The following ALLC variants were observed in gnomAD, a reference collection of about 807,000 sequenced individuals.
ALLC encodes the protein probable inactive allantoicase.
In ALLC, 40 loss-of-function variants were observed where a neutral mutation model predicts 45.0. The observed-to-expected ratio is 0.89, with a 90% CI of 0.69 to 1.16. The LOEUF is 1.16. ALLC is among the 50% of genes most tolerant of loss of function. ALLC has a pLI of 0.00. For missense variants in ALLC, 488 were observed against 493.1 expected, an observed-to-expected ratio of 0.99 and a Z score of 0.10; for synonymous variants, 176 against 178.1, an observed-to-expected ratio of 0.99 and a Z score of 0.09.
intron 1 of ALLC, among the ~76,000 whole-genome samples, chr2:3,663,526 G>A (rs1448932484): frequency 2.7e-5 from 4 of 150,940 alleles, no homozygotes; most frequent in South Asian, 4.3e-4. Context: ...CATGGCACAC[G>A]TTTACCTACG....
chr2:3,681,071 T>C (rs966399964), intron 5 of ALLC, among the ~76,000 whole-genome samples: 1 of 152,214 alleles, frequency 6.6e-6, no homozygotes, highest in African/African-American at 2.4e-5. Flanking sequence ...ACACTGAACA[T>C]GCTATGTGCA....
rs13421466 is a variant in ALLC at position 3,693,507 on chromosome 2, G to T, written c.512-2210G>T. ...TGTGGAATAACTACTTTGAGCTACA[G>T]ACTGAGCATTGGCCATAAAATCATT... is the stretch of plus-strand genomic sequence containing the variant. On this transcript the variant is annotated intron_variant, in intron 7 of 11. Transcript: ENST00000252505. Among the ~76,000 whole-genome samples, 1,334 of 152,358 alleles carry T rather than the reference G, an allele frequency of 8.8e-3. 20 individuals are homozygous for T. Among genetic ancestry groups the T allele is most frequent in the African/African-American group, 0.029 (1,211 of 41,582 alleles).
At chr2:3,669,873 G>T (rs1666820701) in intron 1 of ALLC, among the ~76,000 whole-genome samples, 1 of 152,184 alleles carries the variant, frequency 6.6e-6, no homozygotes, top group East Asian at 1.9e-4. Context: ...TTTGAGATTT[G>T]ATTCAACGTC....
chr2:3,656,653 C>T (rs369890092), upstream of ALLC, among the ~76,000 whole-genome samples: 1 of 152,250 alleles, frequency 6.6e-6, no homozygotes, highest in Non-Finnish European at 1.5e-5. Context: ...GCCCCAGCAT[C>T]GCCCTGGAGC....
chr2:3,669,706 A>G (rs1049686796), intron 1 of ALLC, among the ~76,000 whole-genome samples: 1 of 152,204 alleles, frequency 6.6e-6, no homozygotes, highest in Non-Finnish European at 1.5e-5. Flanking sequence ...GCAGGTGGAC[A>G]GGATGCTGCA....
intron 10 of ALLC, among the ~76,000 whole-genome samples, chr2:3,700,620 T>C (rs1667801198): frequency 6.6e-6 from 1 of 152,156 alleles, no homozygotes; most frequent in Admixed American, 6.6e-5. Flanking sequence ...CATGGCAGTA[T>C]CCACTTATAG....
rs1479932817 is a variant in ALLC at position 3,702,452 on chromosome 2, C to T, written c.1065C>T (p.Asp355=). ...ACGCCAGGCTCACCATCGTCCCCGA[C>T]GGGGGAGTGAGCCGCCTTCGGCTCC... ...ITHARLTIVP[D]GGVSRLRLRG... Residue 355 remains aspartate (D), a synonymous_variant, in exon 12 of 12, where the codon GAC becomes GAT. Coordinates refer to ENST00000252505, the MANE Select transcript of ALLC (RefSeq NM_018436.4). The T allele has an allele frequency of 1.9e-6, 3 of 1,612,692 alleles. No individual in the cohort carries two copies. Among genetic ancestry groups the T allele is most frequent in the African/African-American group, 1.3e-5 (1 of 74,856 alleles).
At chr2:3,690,194 T>C (rs1667438502) in intron 7 of ALLC, among the ~76,000 whole-genome samples, 1 of 143,510 alleles carries the variant, frequency 7.0e-6, no homozygotes, top group African/African-American at 2.5e-5. Flanking sequence ...ACATTCAGTA[T>C]TGTCATCAGT....
In ALLC at chr2:3,679,910, A is replaced by G; in HGVS notation, c.214A>G (p.Ile72Val). 1 of 1,614,008 alleles carries G rather than the reference A, an allele frequency of 6.2e-7. No homozygotes were observed. The highest frequency in any genetic ancestry group is 8.5e-7 in the Non-Finnish European group (1 of 1,179,890). The change falls in exon 5 of 12, where the codon ATC (isoleucine) becomes GTC (valine). Residue 72 changes from isoleucine to valine, a missense_variant. By Grantham distance (29) the Ile-to-Val change is conservative. Coordinates refer to ENST00000252505, the MANE Select transcript of ALLC (RefSeq NM_018436.4). ...CCTCAGGCTGGGGATCCAAGGAGTC[A>G]TCCGGGGCTTCGACGTGGACGTTTC... ...CVLRLGIQGV[I>V]RGFDVDVSYF...
chr2:3,662,813 G>A (rs1666605448), intron 1 of ALLC, among the ~76,000 whole-genome samples: 1 of 152,170 alleles, frequency 6.6e-6, no homozygotes, highest in Non-Finnish European at 1.5e-5. Context: ...AAGTTTTGCT[G>A]GAACACAGGT....
rs1343973257 is a variant in ALLC, at chr2:3,684,585, T to G, written c.511+1511T>G. 2.0e-5 allele frequency among the ~76,000 whole-genome samples: 3 copies of G among 152,168 alleles called. No homozygotes were observed. The East Asian group carries it at 5.8e-4, about 29-fold the overall frequency. ...CCTCACCCCCCACCCTTCCCCACATTGTATCATTCTTATGTCTTTGCATCC... is the reference window on the plus strand; with the variant it reads ...CCTCACCCCCCACCCTTCCCCACATGGTATCATTCTTATGTCTTTGCATCC... On this transcript the variant is annotated intron_variant, in intron 7 of 11. Transcript: ENST00000252505.
intron 2 of ALLC, 26 bp from the exon 3 acceptor site, chr2:3,674,049 C>T: frequency 1.3e-6 from 1 of 794,054 alleles, no homozygotes. Flanking sequence ...GTTGCTTTAT[C>T]TTTCTTTCTT....
In ALLC at chr2:3,702,348, C is replaced by T. The variant is rs769063058; in HGVS notation, c.976-15C>T. 5 of 1,611,452 alleles carry T rather than the reference C, an allele frequency of 3.1e-6. No homozygotes were observed. The East Asian group carries it at 1.1e-4, about 36-fold the overall frequency. On this transcript the variant is annotated splice_polypyrimidine_tract_variant and intron_variant, in intron 11 of 11. Coordinates refer to ENST00000252505, the MANE Select transcript of ALLC (RefSeq NM_018436.4). ...TGTTAACAGACTAGGACCTCTGCATCTGCTTGCTTTTCAGTTGTCTCCCAA... is the reference window on the plus strand; with the variant it reads ...TGTTAACAGACTAGGACCTCTGCATTTGCTTGCTTTTCAGTTGTCTCCCAA...
chr2:3,686,500 A>G (rs1667337411), intron 7 of ALLC, among the ~76,000 whole-genome samples: 1 of 151,040 alleles, frequency 6.6e-6, no homozygotes, highest in Admixed American at 6.6e-5. Flanking sequence ...TTTAATAGGG[A>G]TTGAATTGAA....
rs1667890863 is a variant in ALLC at position 3,702,528 on chromosome 2, T to A, written c.1141T>A (p.Leu381Met). The A allele has an allele frequency of 6.2e-7, 1 of 1,604,826 alleles. No homozygotes were observed. Among genetic ancestry groups the A allele is most frequent in the Non-Finnish European group, 8.5e-7 (1 of 1,176,304 alleles). Residue 381 changes from leucine (L) to methionine (M), a missense_variant, in exon 12 of 12, where the codon TTG becomes ATG. By Grantham distance (15) the Leu-to-Met change is conservative (BLOSUM62 2). Coordinates refer to ENST00000252505, the MANE Select transcript of ALLC (RefSeq NM_018436.4). ...CCTGAGGCCCCGGGAGAAGCCCATG[T>A]TGAAGTTCTCGGTGAGCTTCAAAGC... ...CLLRPREKPM[L>M]KFSVSFKANP
At chr2:3,658,660 G>A (rs1027013128) in intron 1 of ALLC, among the ~76,000 whole-genome samples, 1 of 152,084 alleles carries the variant, frequency 6.6e-6, no homozygotes, top group Non-Finnish European at 1.5e-5. Flanking sequence ...TTGAGTTGAG[G>A]AGTTTGAGAC....
chr2:3,669,617 C>T (rs1666813532), intron 1 of ALLC, among the ~76,000 whole-genome samples: 1 of 152,200 alleles, frequency 6.6e-6, no homozygotes, highest in South Asian at 2.1e-4. Flanking sequence ...CGCTGCACTC[C>T]AGCCTGGGTG....
Position 3,680,774 on chromosome 2 carries a change from G to A in ALLC, c.298+780G>A, listed in dbSNP as rs540696953. Reference sequence around the variant, plus strand: ...CAGAACAGGGAAGAGGGCGGTGTGCGTCACAGCCTCTGATTTGTGCGATAA... The same window carrying A: ...CAGAACAGGGAAGAGGGCGGTGTGCATCACAGCCTCTGATTTGTGCGATAA... On this transcript the variant is annotated intron_variant, in intron 5 of 11. Transcript: ENST00000252505. The surrounding 1 kb of genome is among the most constrained non-coding windows in gnomAD (Gnocchi z 4.0). Among the ~76,000 whole-genome samples, 17 of 152,198 alleles carry A rather than the reference G, an allele frequency of 1.1e-4. No individual in the cohort carries two copies. Among genetic ancestry groups the A allele is most frequent in the East Asian group, 5.8e-4 (3 of 5,154 alleles).
rs541817943 is a variant in ALLC at position 3,661,213 on chromosome 2, C to T, written c.-63+2919C>T. On this transcript the variant is annotated intron_variant, in intron 1 of 11. Coordinates refer to ENST00000252505, the MANE Select transcript of ALLC (RefSeq NM_018436.4). Reference sequence around the variant, plus strand: ...TCCAAGGCTTGGAGTACGGGAGATACGGGAACAGATATGGAGCTATAGAGT... The same window carrying T: ...TCCAAGGCTTGGAGTACGGGAGATATGGGAACAGATATGGAGCTATAGAGT... Among the ~76,000 whole-genome samples the T allele has an allele frequency of 5.3e-5, 8 of 152,236 alleles. No homozygotes were observed. In the South Asian group the frequency reaches 6.2e-4, roughly 12 times the overall value.
Sources: allele counts gnomAD v4.1 joint callset (sites outside exome capture counted in the v4.1 genomes callset), GRCh38; gene constraint gnomAD v4.1.1; non-coding constraint Gnocchi (gnomAD v3.1); transcripts MANE v1.5; gene names NCBI Gene and HGNC (gene_info 2026-07-23, HGNC 2026-07-21).